Variants in AFDN observed in about 807,000 individuals in gnomAD.
The protein encoded by AFDN is afadin.
A neutral mutation model predicts 216.6 loss-of-function variants in AFDN; 68 were observed. That is an observed-to-expected ratio of 0.31 (90% CI 0.26 to 0.38). The LOEUF (loss-of-function observed/expected upper bound fraction) is 0.38, where lower values mean the gene tolerates loss of function less well. Among genes scored for constraint, AFDN ranks in the 10% least tolerant of loss-of-function variants. The probability of loss-of-function intolerance (pLI) is 1.00; values close to 1 mark genes in which losing one functional copy is unlikely to be tolerated. For missense variants in AFDN, 2,136 were observed against 2,342.0 expected (o/e 0.91, Z 1.82); for synonymous variants, 868 against 853.7 (o/e 1.02, Z -0.29).
intron 15 of AFDN, chr6:167,911,860 T>G (rs146126263): frequency 7.2e-6 from 2 of 278,718 alleles, no homozygotes; most frequent in Non-Finnish European, 1.4e-5. Flanking sequence ...ATTCACAGTG[T>G]TGTGCAGCCA....
chr6:167,928,046 G>A (rs1792794700), intron 23 of AFDN, among the ~76,000 whole-genome samples: 1 of 152,160 alleles, frequency 6.6e-6, no homozygotes, highest in South Asian at 2.1e-4. Context: ...TGTGGAGGTG[G>A]AAGTAGGGGG....
Position 167,962,448 on chromosome 6 carries a change from C to A in AFDN, c.4849C>A (p.Arg1617=). The change falls in exon 31 of 34, where the codon CGG becomes AGG. Residue 1617 remains arginine, a synonymous_variant. Coordinates refer to ENST00000683244, the MANE Select transcript of AFDN (RefSeq NM_001386888.1). This position sits in a 1 kb window ranked among gnomAD's most constrained non-coding sequence, Gnocchi z 5.2. ...ERRARLQDEE[R]RRQQQLEEMR... ...CTGTTGTTAGTTGCAGGACGAGGAG[C>A]GGAGGCGGCAGCAGCAGTTAGAAGA... 1 of 1,613,594 alleles carries A rather than the reference C, an allele frequency of 6.2e-7. No individual in the cohort carries two copies. Among genetic ancestry groups the A allele is most frequent in the Non-Finnish European group, 8.5e-7 (1 of 1,179,822 alleles).
At chr6:167,903,032 C>A (rs1157515146) in intron 12 of AFDN, among the ~76,000 whole-genome samples, 1 of 152,226 alleles carries the variant, frequency 6.6e-6, no homozygotes, top group African/African-American at 2.4e-5. Context: ...CCTTAATACA[C>A]TCCTTTTATT....
intron 6 of AFDN, among the ~76,000 whole-genome samples, chr6:167,885,568 A>T (rs1364645186): frequency 6.6e-6 from 1 of 152,262 alleles, no homozygotes; most frequent in Non-Finnish European, 1.5e-5. Context: ...GCCATCTTAT[A>T]TGGGTGCAGT....
Position 167,917,080 on chromosome 6 carries a change from T to C in AFDN, c.2566-9T>C. On this transcript the variant is annotated splice_polypyrimidine_tract_variant and intron_variant, in intron 19 of 33. Transcript: ENST00000683244. ...TGTGATATTTTATGTCCTTTATTCT[T>C]TTACATAGGCAACGACTTTGCTTAC... 6.2e-7 allele frequency: 1 copy of C among 1,611,762 alleles called. No individual in the cohort carries two copies. The highest frequency in any genetic ancestry group is 8.5e-7 in the Non-Finnish European group (1 of 1,178,808).
At chr6:167,826,858 CGGCGGCGGGCGG>C (rs1395724452), upstream of AFDN, 1 of 137,106 alleles carries the variant, frequency 7.3e-6, no homozygotes, top group Admixed American at 7.2e-5. Context: ...GCGGCGCGCA[CGGCGGCGGGCGG>C]GGCGCGGGCG....
At chr6:167,834,791 G>A (rs1450103271) in intron 1 of AFDN, among the ~76,000 whole-genome samples, 1 of 151,918 alleles carries the variant, frequency 6.6e-6, no homozygotes, top group Non-Finnish European at 1.5e-5. Flanking sequence ...ACCAGTCTGG[G>A]CAACACAGTG....
chr6:167,915,131 A>T, intron 18 of AFDN, 37 bp from the exon 19 acceptor site: 1 of 1,606,350 alleles, frequency 6.2e-7, no homozygotes, highest in Non-Finnish European at 8.5e-7. Context: ...CCTGGATGAC[A>T]TTTTGCTCCT....
At chr6:167,828,402 T>A (rs1779447428) in intron 1 of AFDN, among the ~76,000 whole-genome samples, 1 of 152,258 alleles carries the variant, frequency 6.6e-6, no homozygotes, top group South Asian at 2.1e-4. Flanking sequence ...CTATTTCTTC[T>A]GTTTTCATCT....
chr6:167,873,978 T>C (rs1447301702), intron 4 of AFDN, among the ~76,000 whole-genome samples: 1 of 152,246 alleles, frequency 6.6e-6, no homozygotes, highest in African/African-American at 2.4e-5. Context: ...GTGATGCCTA[T>C]GTAATCACTT....
intron 23 of AFDN, among the ~76,000 whole-genome samples, chr6:167,933,713 T>TA (rs1793619011): frequency 6.6e-6 from 1 of 152,260 alleles, no homozygotes; most frequent in Non-Finnish European, 1.5e-5. Context: ...ATACTATTTT[T>TA]ACCTGGTTTA....
At chr6:167,891,922 A>G (rs1787665167) in intron 8 of AFDN, among the ~76,000 whole-genome samples, 1 of 152,186 alleles carries the variant, frequency 6.6e-6, no homozygotes, top group African/African-American at 2.4e-5. Flanking sequence ...TGAACCAGTT[A>G]TGTGTATGAT....
rs138400873 is a variant in AFDN, at chr6:167,896,962, A to C, written c.1307A>C (p.Asn436Thr). Reference protein sequence around the residue: ...TEVGTEKLDDNSIQLFGPGIQ... With the variant: ...TEVGTEKLDDTSIQLFGPGIQ... ...GTTGGGACAGAAAAGTTGGATGACA[A>C]CTCTATCCAGGTACGTAGTCTGAGC... is the stretch of plus-strand genomic sequence containing the variant. Residue 436 changes from asparagine to threonine, a missense_variant, in exon 10 of 34, where the codon AAC becomes ACC. Around this residue, in one of 8 missense-constraint regions of AFDN, gnomAD observed 817 missense variants for 965.7 expected, o/e 0.85. Transcript: ENST00000683244. 6 of 1,607,742 alleles carry C rather than the reference A, an allele frequency of 3.7e-6. No homozygotes were observed. Among genetic ancestry groups the C allele is most frequent in the Non-Finnish European group, 5.1e-6 (6 of 1,174,398 alleles).
chr6:167,845,616 T>G (rs1781580355), intron 1 of AFDN, among the ~76,000 whole-genome samples: 1 of 152,186 alleles, frequency 6.6e-6, no homozygotes, highest in Non-Finnish European at 1.5e-5. Context: ...CCTCAGGTGA[T>G]CCGTCTGCCT....
intron 13 of AFDN, among the ~76,000 whole-genome samples, chr6:167,910,731 A>G (rs926447241): frequency 4.6e-5 from 7 of 152,110 alleles, no homozygotes; most frequent in African/African-American, 1.4e-4. Flanking sequence ...TGGCATGGTT[A>G]GTTTTTCTTT....
At chr6:167,903,476 G>T (rs2128414495) in intron 12 of AFDN, among the ~76,000 whole-genome samples, 1 of 152,296 alleles carries the variant, frequency 6.6e-6, no homozygotes, top group East Asian at 1.9e-4. Context: ...TGAATGTTAG[G>T]CCCAGAACTG....
intron 17 of AFDN, 146 bp downstream of exon 17, chr6:167,914,459 T>G: frequency 1.0e-6 from 1 of 989,680 alleles, no homozygotes; most frequent in Non-Finnish European, 1.5e-6. Context: ...CAAAATGTAT[T>G]AACTACCTAT....
rs1236221832 is a variant in AFDN at position 167,911,084 on chromosome 6, C to CA, written c.1770-16dup. 6.2e-7 allele frequency: 1 copy of CA among 1,606,586 alleles called. No homozygotes were observed. The highest frequency in any genetic ancestry group is 1.7e-5 in the Admixed American group (1 of 58,492). On this transcript the variant is annotated splice_polypyrimidine_tract_variant and intron_variant, in intron 13 of 33. Transcript: ENST00000683244. ...CATGTGACCTTATTTTAAGTGATGTCAGCTTTCTTCTTTTAGAACACAGGA... is the reference window on the plus strand; with the variant it reads ...CATGTGACCTTATTTTAAGTGATGTCAAGCTTTCTTCTTTTAGAACACAGGA...
intron 15 of AFDN, chr6:167,912,084 A>G (rs1443220398): frequency 6.5e-6 from 1 of 152,778 alleles, no homozygotes; most frequent in Non-Finnish European, 1.5e-5. Context: ...GGACATTGTA[A>G]CATACTTCTC....
Sources: allele counts gnomAD v4.1 joint callset (sites outside exome capture counted in the v4.1 genomes callset), GRCh38; gene constraint gnomAD v4.1.1; regional missense constraint gnomAD v4.1.1; non-coding constraint Gnocchi (gnomAD v3.1); transcripts MANE v1.5; gene names NCBI Gene and HGNC (gene_info 2026-07-23, HGNC 2026-07-21).